Variants in BBOF1 observed in about 807,000 individuals in gnomAD.
BBOF1 encodes basal body orientation factor 1, also known as basal body-orientation factor 1.
In BBOF1, 62 loss-of-function variants were observed where a neutral mutation model predicts 68.0. The observed-to-expected ratio is 0.91, with a 90% CI of 0.74 to 1.13. The LOEUF is 1.13. Ranked by LOEUF, BBOF1 falls within the 50% of genes most tolerant of loss-of-function variation. BBOF1 has a pLI of 0.00. For synonymous variants in BBOF1, 208 were observed against 198.8 expected, an observed-to-expected ratio of 1.05 and a Z score of -0.39; for missense variants, 534 against 600.1, an observed-to-expected ratio of 0.89 and a Z score of 1.15.
In BBOF1 at chr14:74,071,803, T is replaced by C. The variant is rs45530937; in HGVS notation, n.1380-6393T>C. ...AGATATCATGGGATGGCAAAATCTA[T>C]GTAAAGGAAGAAGCAACCTCCCATT... On this transcript the variant is annotated intron_variant and non_coding_transcript_variant, in intron 9 of 12. Transcript: ENST00000492026. 112 of 1,508,598 alleles carry C rather than the reference T, an allele frequency of 7.4e-5. No individual in the cohort carries two copies. In the South Asian group the frequency reaches 8.9e-4, roughly 12 times the overall value. 93.5% of individuals were successfully genotyped at this position (1,508,598 alleles called of 1,614,324 possible).
chr14:74,053,821 C>T (rs1030457034), intron 8 of BBOF1, among the ~76,000 whole-genome samples: 20 of 151,946 alleles, frequency 1.3e-4, no homozygotes, highest in African/African-American at 4.6e-4. Flanking sequence ...AAGCGATTCT[C>T]CTGCCTCAGC....
chr14:74,034,962 C>T (rs928097954), intron 4 of BBOF1, among the ~76,000 whole-genome samples: 8 of 152,018 alleles, frequency 5.3e-5, no homozygotes, highest in Admixed American at 1.3e-4. Context: ...CACAGTGGCT[C>T]GTGCGTATAG....
At position 74,049,995 on chromosome 14, in the gene BBOF1, C is replaced by A; in HGVS notation, c.1086C>A (p.Phe362Leu). The A allele has an allele frequency of 6.2e-7, 1 of 1,614,084 alleles. No individual in the cohort carries two copies. Among genetic ancestry groups the A allele is most frequent in the Non-Finnish European group, 8.5e-7 (1 of 1,180,034 alleles). The change falls in exon 8 of 12, where the codon TTC (phenylalanine) becomes TTA (leucine). Residue 362 changes from phenylalanine to leucine, a missense_variant. By Grantham distance (22) the Phe-to-Leu change is conservative (BLOSUM62 0). Transcript: ENST00000394009. Reference protein sequence around the residue: ...ILDERTEVERFFLDALHQVKQ... With the variant: ...ILDERTEVERLFLDALHQVKQ... ...ATGAGAGAACAGAAGTGGAAAGATT[C>A]TTTTTAGATGCTCTGCACCAAGTGA...
chr14:74,072,693 T>C (rs918090913), intron 9 of BBOF1: 8 of 1,491,736 alleles, frequency 5.4e-6, no homozygotes, highest in Non-Finnish European at 7.3e-6. Context: ...CCCTTTCCCT[T>C]GCACCAAAAG....
At chr14:74,073,310 T>C (rs1595127783) in intron 9 of BBOF1, among the ~76,000 whole-genome samples, 1 of 151,464 alleles carries the variant, frequency 6.6e-6, no homozygotes, top group East Asian at 2.0e-4. Context: ...TTGGCCATAT[T>C]GCCTGGCTGG....
chr14:74,021,652 C>T (rs2059300796), intron 1 of BBOF1, among the ~76,000 whole-genome samples: 2 of 151,970 alleles, frequency 1.3e-5, no homozygotes, highest in African/African-American at 4.8e-5. Flanking sequence ...CGTATTTGCC[C>T]TAGTGACTTG....
intron 9 of BBOF1, chr14:74,072,085 CA>C: frequency 6.4e-7 from 1 of 1,571,128 alleles, no homozygotes; most frequent in Non-Finnish European, 8.8e-7. Context: ...GGGAGAGAGT[CA>C]TGATCAACGT....
intron 1 of BBOF1, among the ~76,000 whole-genome samples, chr14:74,020,136 A>G (rs945389208): frequency 1.3e-5 from 2 of 152,224 alleles, no homozygotes; most frequent in African/African-American, 4.8e-5. Context: ...AAAAATAAAC[A>G]CTACTATATT....
At chr14:74,052,326 C>G (rs1330676725) in intron 8 of BBOF1, among the ~76,000 whole-genome samples, 1 of 151,700 alleles carries the variant, frequency 6.6e-6, no homozygotes, top group Non-Finnish European at 1.5e-5. Context: ...TTGCCTCTAT[C>G]AGCAGGGCAG....
Position 74,072,713 on chromosome 14 carries a change from C to G in BBOF1, n.1380-5483C>G, listed in dbSNP as rs2060567676. On this transcript the variant is annotated intron_variant and non_coding_transcript_variant, in intron 9 of 12. Transcript: ENST00000492026. The stretch of plus-strand genomic sequence containing the variant: ...TCCCTTGCACCAAAAGGAAAGAAAA[C>G]AAGTTGATAACGGAATCTTCTGGTC... 3.0e-6 allele frequency: 4 copies of G among 1,320,714 alleles called. No individual in the cohort carries two copies. The East Asian group carries it at 9.8e-5, about 32-fold the overall frequency. The allele number at this position is 1,320,714 out of a possible 1,614,324, so 81.8% of individuals were successfully genotyped here.
chr14:74,033,092 A>C (rs917717733), intron 3 of BBOF1, among the ~76,000 whole-genome samples: 2 of 152,016 alleles, frequency 1.3e-5, no homozygotes, highest in Admixed American at 1.3e-4. Flanking sequence ...ACTCCTAGCC[A>C]ATTAATTTTA....
rs2059337394 is a variant in BBOF1 at position 74,022,985 on chromosome 14, G to T, written c.126G>T (p.Arg42Ser). 1.2e-6 allele frequency: 2 copies of T among 1,613,290 alleles called. No homozygotes were observed. Among genetic ancestry groups the T allele is most frequent in the Non-Finnish European group, 1.7e-6 (2 of 1,179,664 alleles). Residue 42 changes from arginine (R) to serine (S), a missense_variant, in exon 2 of 12, where the codon AGG becomes AGT. Transcript: ENST00000394009. Reference protein sequence around the residue: ...AKANASLWEARLEVTELSRIK... With the variant: ...AKANASLWEASLEVTELSRIK... ...CCAATGCCTCCCTTTGGGAGGCCAG[G>T]TTGGAAGTCACAGAACTCTCTAGGA... is the stretch of plus-strand genomic sequence containing the variant.
rs768030109 is a variant in BBOF1, at chr14:74,019,486, C to G, written c.8C>G (p.Ser3Trp). The change falls in exon 1 of 12, where the codon TCG (serine) becomes TGG (tryptophan). Residue 3 changes from serine to tryptophan, a missense_variant. Transcript: ENST00000394009. ...GCCCCTGGGGAAGCCAAGATGCCGTCGAAGGGAAAGGACAAAAAGAAAGGC... is the reference window on the plus strand; with the variant it reads ...GCCCCTGGGGAAGCCAAGATGCCGTGGAAGGGAAAGGACAAAAAGAAAGGC... Reference protein sequence around the residue: MPSKGKDKKKGKS... With the variant: MPWKGKDKKKGKS... 5.9e-5 allele frequency: 95 copies of G among 1,605,088 alleles called. No individual in the cohort carries two copies. In the South Asian group the frequency reaches 9.9e-4, roughly 17 times the overall value.
rs767360530 is a variant in BBOF1 at position 74,050,008 on chromosome 14, C to G, written c.1099C>G (p.Leu367Val). The G allele has an allele frequency of 1.1e-5, 17 of 1,613,984 alleles. No homozygotes were observed. The South Asian group carries it at 1.8e-4, about 17-fold the overall frequency. The change falls in exon 8 of 12, where the codon CTG becomes GTG. Residue 367 changes from leucine (L) to valine (V), a missense_variant. Coordinates refer to ENST00000394009, the MANE Select transcript of BBOF1 (RefSeq NM_025057.3). ...TEVERFFLDALHQVKQQILIS... is the reference protein window; with the variant it reads ...TEVERFFLDAVHQVKQQILIS... ...AGTGGAAAGATTCTTTTTAGATGCTCTGCACCAAGTGAAGCAACAGATCCT... is the reference window on the plus strand; with the variant it reads ...AGTGGAAAGATTCTTTTTAGATGCTGTGCACCAAGTGAAGCAACAGATCCT...
rs779639520 is a variant in BBOF1 at position 74,057,200 on chromosome 14, A to C, written c.1520A>C (p.Asp507Ala). 15 of 1,613,844 alleles carry C rather than the reference A, an allele frequency of 9.3e-6. 1 individual carries two copies. The South Asian group carries it at 1.6e-4, about 18-fold the overall frequency. The change falls in exon 11 of 12, where the codon GAC (aspartate) becomes GCC (alanine). Residue 507 changes from aspartate to alanine, a missense_variant. Asp to Ala is a moderately radical substitution (Grantham distance 126, BLOSUM62 -2). Coordinates refer to ENST00000394009, the MANE Select transcript of BBOF1 (RefSeq NM_025057.3). ...IFITQQIAISDSSGEVVLPTI... is the reference protein window; with the variant it reads ...IFITQQIAISASSGEVVLPTI... ...ATCACCCAGCAAATTGCAATATCAG[A>C]CTCTTCTGGTGAAGTGGTGCTACCC...
At chr14:74,071,568 C>G (rs1408123159) in intron 9 of BBOF1, 1 of 1,610,346 alleles carries the variant, frequency 6.2e-7, no homozygotes, top group Admixed American at 1.7e-5. Context: ...TTCTCTTCAG[C>G]CCTGAGGACA....
chr14:74,053,802 C>G (rs894729637), intron 8 of BBOF1, among the ~76,000 whole-genome samples: 6 of 151,840 alleles, frequency 4.0e-5, no homozygotes, highest in Non-Finnish European at 5.9e-5. Flanking sequence ...ACCTCCACCT[C>G]CCGGGTTTAA....
At chr14:74,045,500 G>A (rs1345531103) in intron 5 of BBOF1, among the ~76,000 whole-genome samples, 1 of 151,934 alleles carries the variant, frequency 6.6e-6, no homozygotes, top group Non-Finnish European at 1.5e-5. Context: ...GTAGAGCTGG[G>A]GTTTCTCCAT....
intron 5 of BBOF1, among the ~76,000 whole-genome samples, chr14:74,041,851 A>G (rs1464406604): frequency 2.0e-5 from 3 of 152,178 alleles, no homozygotes; most frequent in Non-Finnish European, 4.4e-5. Flanking sequence ...AGCCTGGCCA[A>G]CATGGTGAAA....
Sources: allele counts gnomAD v4.1 joint callset (sites outside exome capture counted in the v4.1 genomes callset), GRCh38; gene constraint gnomAD v4.1.1; transcripts MANE v1.5; gene names NCBI Gene and HGNC (gene_info 2026-07-23, HGNC 2026-07-21).